The following CLTCL1 variants were observed in gnomAD, a reference collection of about 807,000 sequenced individuals.
The protein encoded by CLTCL1 is clathrin heavy chain like 1, also known as clathrin heavy chain 2.
A neutral mutation model predicts 190.0 loss-of-function variants in CLTCL1; 159 were observed. The ratio of observed to expected loss-of-function variants is 0.84; its 90% CI spans 0.74 to 0.95. The LOEUF is 0.95. Ranked by LOEUF, CLTCL1 falls within the 40% of genes least tolerant of loss-of-function variation. The pLI, the probability that CLTCL1 is intolerant of heterozygous loss-of-function variation, is 0.00. For synonymous variants in CLTCL1, 752 were observed against 769.6 expected (o/e 0.98, Z 0.38); for missense variants, 1,878 against 2,033.4 (o/e 0.92, Z 1.47).
At chr22:19,260,865 T>C (rs193135859) in intron 2 of CLTCL1, among the ~76,000 whole-genome samples, 316 of 150,486 alleles carry the variant, frequency 2.1e-3, no homozygotes, top group African/African-American at 7.5e-3. Flanking sequence ...GTCGTGATGA[T>C]AGTACATCTG....
At chr22:19,183,922 T>C (rs2084226473) in intron 29 of CLTCL1, 1 of 423,078 alleles carries the variant, frequency 2.4e-6, no homozygotes, top group Admixed American at 3.7e-5. Flanking sequence ...TGATGGGAGT[T>C]TGGGGGTTGT....
rs567745560 is a variant in CLTCL1 at position 19,216,026 on chromosome 22, C to T, written c.3065+85G>A. 123 of 1,334,122 alleles carry T rather than the reference C, an allele frequency of 9.2e-5. No homozygotes were observed. In the East Asian group the frequency reaches 2.7e-3, roughly 29 times the overall value. The allele number at this position is 1,334,122 out of a possible 1,614,324, so 82.6% of individuals were successfully genotyped here. On this transcript the variant is annotated intron_variant, in intron 19 of 32. Transcript: ENST00000427926. ...CAATGGGCAGGCTGGATGGGTGAAG[C>T]GGTACGAGATTGTAACAGAAGATGA...
At chr22:19,210,162 C>T (rs547007001) in intron 20 of CLTCL1, among the ~76,000 whole-genome samples, 164 bp downstream of exon 20, 15 of 151,974 alleles carry the variant, frequency 9.9e-5, no homozygotes, top group African/African-American at 2.7e-4. Flanking sequence ...AAGGGGCCAG[C>T]GGGCTGGGAA....
chr22:19,185,950 C>T (rs1471513120), intron 29 of CLTCL1, among the ~76,000 whole-genome samples: 1 of 152,212 alleles, frequency 6.6e-6, no homozygotes, highest in African/African-American at 2.4e-5. Flanking sequence ...TCTCCATTCC[C>T]TCTGCAGGGG....
rs181165037 is a variant in CLTCL1 at position 19,276,756 on chromosome 22, G to A, written c.43-926C>T. ...GCGATCTCGGCTCACTGCAAGCTCCGCCTCCCGGGTTCACGCCATTCTCCT... is the reference window on the plus strand; with the variant it reads ...GCGATCTCGGCTCACTGCAAGCTCCACCTCCCGGGTTCACGCCATTCTCCT... On this transcript the variant is annotated intron_variant, in intron 1 of 32. Transcript: ENST00000427926. Among the ~76,000 whole-genome samples the A allele has an allele frequency of 6.6e-5, 10 of 152,110 alleles. No homozygotes were observed. The East Asian group carries it at 1.4e-3, about 21-fold the overall frequency.
At chr22:19,235,373 T>G (rs1226226064) in intron 6 of CLTCL1, among the ~76,000 whole-genome samples, 1 of 152,166 alleles carries the variant, frequency 6.6e-6, no homozygotes, top group Non-Finnish European at 1.5e-5. Context: ...CAACTATGGT[T>G]GAGAAAAGTT....
intron 5 of CLTCL1, among the ~76,000 whole-genome samples, 174 bp downstream of exon 5, chr22:19,239,101 G>C (rs1050294643): frequency 6.6e-6 from 1 of 152,086 alleles, no homozygotes; most frequent in Non-Finnish European, 1.5e-5. Flanking sequence ...TCCTTTCTAC[G>C]AACAGGGCTT....
intron 22 of CLTCL1, among the ~76,000 whole-genome samples, chr22:19,203,894 C>T (rs2084972704): frequency 6.6e-6 from 1 of 152,224 alleles, no homozygotes; most frequent in Non-Finnish European, 1.5e-5. Flanking sequence ...ACTGCCCACA[C>T]CCCCAAGCTT....
At chr22:19,257,533 C>T (rs1374671515) in intron 2 of CLTCL1, 5 of 322,494 alleles carry the variant, frequency 1.6e-5, no homozygotes, top group Admixed American at 1.3e-4. Context: ...AGTTTCACCA[C>T]TCACTCCACT....
Position 19,230,097 on chromosome 22 carries a change from G to GTTTTTTTTTTTTTTT in CLTCL1, c.1645-123_1645-122insAAAAAAAAAAAAAAA, listed in dbSNP as rs374875733. The GTTTTTTTTTTTTTTT allele has an allele frequency of 1.5e-5, 8 of 530,318 alleles. 4 individuals carry two copies. The highest frequency in any genetic ancestry group is 5.4e-5 in the African/African-American group (2 of 37,250). 32.9% of individuals were successfully genotyped at this position (530,318 alleles called of 1,614,324 possible). On this transcript the variant is annotated intron_variant, in intron 10 of 32. Transcript: ENST00000427926. ...AATTCAGCAATTAGTTCCCTCCCTT[G>GTTTTTTTTTTTTTTT]GTTTTTTTTTTTTTTTTGAGATGGA...
intron 3 of CLTCL1, among the ~76,000 whole-genome samples, chr22:19,250,209 G>A (rs1295805542): frequency 3.3e-5 from 5 of 152,020 alleles, no homozygotes; most frequent in Admixed American, 1.3e-4. Context: ...AGCTGAGTTC[G>A]TGCCACTGCA....
At chr22:19,246,348 C>A (rs148199924) in intron 3 of CLTCL1, among the ~76,000 whole-genome samples, 2 of 152,170 alleles carry the variant, frequency 1.3e-5, no homozygotes, top group African/African-American at 2.4e-5. Flanking sequence ...GTGTGAGCCA[C>A]CACGCCTGGC....
chr22:19,208,015 C>T (rs1555943786), intron 22 of CLTCL1, 139 bp downstream of exon 22: 5 of 953,566 alleles, frequency 5.2e-6, no homozygotes, highest in Non-Finnish European at 8.2e-6. Flanking sequence ...CCCCAAACCA[C>T]CCCCGACCTG....
intron 29 of CLTCL1, 116 bp from the exon 30 acceptor site, chr22:19,183,727 G>A: frequency 9.9e-7 from 1 of 1,006,990 alleles, no homozygotes; most frequent in Non-Finnish European, 1.5e-6. Flanking sequence ...TTCCTGCGCT[G>A]TGGAGCAAGC....
intron 21 of CLTCL1, 38 bp downstream of exon 21, chr22:19,208,884 G>A (rs532371512): frequency 6.7e-7 from 1 of 1,498,348 alleles, no homozygotes. Context: ...TTTTGCATCA[G>A]TGAGATGCAG....
chr22:19,244,288 C>T (rs2086350410), intron 3 of CLTCL1, among the ~76,000 whole-genome samples: 1 of 152,170 alleles, frequency 6.6e-6, no homozygotes, highest in Non-Finnish European at 1.5e-5. Flanking sequence ...CTGACACATG[C>T]TACCACATGG....
Position 19,234,535 on chromosome 22 carries a change from C to T in CLTCL1, c.1141G>A (p.Ala381Thr), listed in dbSNP as rs781825647. 8.7e-6 allele frequency: 14 copies of T among 1,613,330 alleles called. No individual in the cohort carries two copies. The highest frequency in any genetic ancestry group is 4.5e-5 in the East Asian group (2 of 44,896). The change falls in exon 7 of 33, where the codon GCC becomes ACC. Residue 381 changes from alanine to threonine, a missense_variant. Coordinates refer to ENST00000427926, the MANE Select transcript of CLTCL1 (RefSeq NM_007098.4). ...LFAQGSYAEA[A>T]KVAASAPKGI... Reference sequence around the variant, plus strand: ...TTTGGTGCAGACGCTGCAACTTTGGCGGCTTCAGCATAGCTGCCCTGTGCA... The same window carrying T: ...TTTGGTGCAGACGCTGCAACTTTGGTGGCTTCAGCATAGCTGCCCTGTGCA...
chr22:19,197,590 C>G (rs2084751811), intron 24 of CLTCL1, among the ~76,000 whole-genome samples: 1 of 152,182 alleles, frequency 6.6e-6, no homozygotes, highest in Non-Finnish European at 1.5e-5. Flanking sequence ...CCCATTTTTT[C>G]TACTTCCTTT....
At chr22:19,191,272 C>T in intron 27 of CLTCL1, 32 bp downstream of exon 27, 2 of 1,613,532 alleles carry the variant, frequency 1.2e-6, no homozygotes, top group Non-Finnish European at 1.7e-6. Context: ...TAGCCCAATA[C>T]ACTCTTCTAC....
Sources: gnomAD v4.1 joint callset for allele counts (sites outside exome capture counted in the v4.1 genomes callset) on GRCh38, gnomAD v4.1.1 for gene constraint, MANE v1.5 for transcripts, NCBI Gene and HGNC (gene_info 2026-07-23, HGNC 2026-07-21) for gene names.